Variants in C2orf76 observed in about 807,000 individuals in gnomAD.
C2orf76 encodes the protein UPF0538 protein C2orf76.
C2orf76 carries 23 observed loss-of-function variants against 16.9 expected under a neutral mutation model. The ratio of observed to expected loss-of-function variants is 1.36; its 90% confidence interval spans 0.98 to 1.93. The LOEUF (loss-of-function observed/expected upper bound fraction) is 1.93, where lower values mean the gene tolerates loss of function less well. Ranked by LOEUF, C2orf76 falls within the 30% of genes most tolerant of loss-of-function variation. The probability of loss-of-function intolerance (pLI) is 0.00; values close to 1 mark genes in which losing one functional copy is unlikely to be tolerated. For synonymous variants in C2orf76, 48 were observed against 52.3 expected, an observed-to-expected ratio of 0.92 and a Z score of 0.35; for missense variants, 152 against 152.6, an observed-to-expected ratio of 1.00 and a Z score of 0.02.
At chr2:119,347,566 C>T (rs1293632626) in intron 1 of C2orf76, among the ~76,000 whole-genome samples, 3 of 151,798 alleles carry the variant, frequency 2.0e-5, no homozygotes, top group Non-Finnish European at 2.9e-5. Flanking sequence ...ATTATAGAAG[C>T]GTAGATTAAA....
At chr2:119,299,247 G>A (rs1678581373), downstream of C2orf76, among the ~76,000 whole-genome samples, 1 of 152,114 alleles carries the variant, frequency 6.6e-6, no homozygotes, top group South Asian at 2.1e-4. Flanking sequence ...TAATAGATTT[G>A]CTGAAACACT....
chr2:119,288,647 G>T, the C2orf76 span, among the ~76,000 whole-genome samples: 2 of 152,088 alleles, frequency 1.3e-5, no homozygotes, highest in African/African-American at 4.8e-5. Context: ...TGGATGGAAG[G>T]GTGGAATTGT....
At position 119,302,462 on chromosome 2, in the gene C2orf76, C is replaced by A. The variant is rs749447892; in HGVS notation, c.*10G>T. 3.4e-6 allele frequency: 4 copies of A among 1,168,108 alleles called. No individual in the cohort carries two copies. The South Asian group carries it at 4.5e-5, about 13-fold the overall frequency. The allele number at this position is 1,168,108 out of a possible 1,614,324, so 72.4% of individuals were successfully genotyped here. On this transcript the variant is annotated 3_prime_UTR_variant, in exon 6 of 6. Coordinates refer to ENST00000334816, the MANE Select transcript of C2orf76 (RefSeq NM_001322331.2). The stretch of plus-strand genomic sequence containing the variant: ...TACAGGTATGCAAAAAGGAAGCCCT[C>A]GAGATGTTTTCACCAGGATGAAATG...
At chr2:119,338,055 C>T (rs567652429) in intron 2 of C2orf76, among the ~76,000 whole-genome samples, 4 of 152,212 alleles carry the variant, frequency 2.6e-5, no homozygotes, top group East Asian at 1.9e-4. Context: ...TAAAAAAGTA[C>T]GGATTTGTTT....
chr2:119,356,479 G>A (rs1573688344), intron 1 of C2orf76, among the ~76,000 whole-genome samples: 1 of 151,180 alleles, frequency 6.6e-6, no homozygotes, highest in Non-Finnish European at 1.5e-5. Flanking sequence ...AGAGGAAAAT[G>A]TATAGCACTG....
At chr2:119,349,764 G>A (rs1268061213) in intron 1 of C2orf76, among the ~76,000 whole-genome samples, 1 of 151,984 alleles carries the variant, frequency 6.6e-6, no homozygotes. Context: ...CTGAGCCATG[G>A]GCCCCCTCTG....
At chr2:119,345,662 C>T (rs1195330272) in intron 1 of C2orf76, among the ~76,000 whole-genome samples, 3 of 152,142 alleles carry the variant, frequency 2.0e-5, no homozygotes, top group Admixed American at 6.5e-5. Context: ...AGAAGTCAAA[C>T]ATTTTACCCT....
intron 1 of C2orf76, among the ~76,000 whole-genome samples, chr2:119,345,398 G>A (rs895843367): frequency 6.6e-6 from 1 of 152,160 alleles, no homozygotes. Context: ...ATAAACAACT[G>A]GCAAGAACAT....
Position 119,359,591 on chromosome 2 carries a change from A to G in C2orf76, c.-13+7199T>C, listed in dbSNP as rs56805746. 3.2e-3 allele frequency among the ~76,000 whole-genome samples: 488 copies of G among 152,334 alleles called. 3 individuals are homozygous for G. Among genetic ancestry groups the G allele is most frequent in the African/African-American group, 0.011 (461 of 41,584 alleles). On this transcript the variant is annotated intron_variant, in intron 1 of 5. Transcript: ENST00000334816. ...GGACTTTGGAAGGACTCCAACCTTC[A>G]TGGATGACTTTGAGGAGTTCAAGAC...
chr2:119,327,614 C>CCT (rs367953756), intron 2 of C2orf76, among the ~76,000 whole-genome samples: 177 of 150,226 alleles, frequency 1.2e-3, no homozygotes, highest in African/African-American at 3.8e-3. Context: ...ATATCTTCTC[C>CCT]CTCTCTCTCT....
chr2:119,291,177 G>A, the C2orf76 span, among the ~76,000 whole-genome samples: 11 of 151,990 alleles, frequency 7.2e-5, no homozygotes, highest in African/African-American at 2.7e-4. Flanking sequence ...GTGTCATACC[G>A]AGGAGAAGCT....
chr2:119,340,227 G>A (rs1679982845), intron 1 of C2orf76: 1 of 356,030 alleles, frequency 2.8e-6, no homozygotes, highest in African/African-American at 2.0e-5. Context: ...AACTGACAGA[G>A]TACAGAAGAT....
At chr2:119,340,086 T>A in intron 1 of C2orf76, 115 bp from the exon 2 acceptor site, 1 of 1,184,454 alleles carries the variant, frequency 8.4e-7, no homozygotes, top group Admixed American at 2.3e-5. Flanking sequence ...CCATGCTGCA[T>A]GATCACTGAC....
chr2:119,356,269 G>T (rs1680567418), intron 1 of C2orf76, among the ~76,000 whole-genome samples: 1 of 152,002 alleles, frequency 6.6e-6, no homozygotes, highest in Non-Finnish European at 1.5e-5. Context: ...TGGGCTTGAT[G>T]GCAGGCACTG....
At chr2:119,333,192 C>T (rs1349284268) in intron 2 of C2orf76, among the ~76,000 whole-genome samples, 1 of 152,166 alleles carries the variant, frequency 6.6e-6, no homozygotes, top group East Asian at 1.9e-4. Context: ...TGTGCTGCAG[C>T]CACATTATTG....
the C2orf76 span, among the ~76,000 whole-genome samples, chr2:119,286,224 CA>C: frequency 0.27 from 16,422 of 60,102 alleles, 1,031 homozygotes; most frequent in African/African-American, 0.38. Context: ...GACTCCATCT[CA>C]AAAAAAAAAA....
chr2:119,359,075 G>A (rs546719405), intron 1 of C2orf76, among the ~76,000 whole-genome samples: 6 of 152,256 alleles, frequency 3.9e-5, no homozygotes, highest in African/African-American at 1.2e-4. Context: ...TGAAGCCAAC[G>A]CTCACTGATC....
chr2:119,351,549 G>C (rs959767739), intron 1 of C2orf76, among the ~76,000 whole-genome samples: 1 of 152,102 alleles, frequency 6.6e-6, no homozygotes, highest in African/African-American at 2.4e-5. Flanking sequence ...CCAGGAGTTT[G>C]AGATCAGCCT....
At chr2:119,316,063 C>T (rs1256708130) in intron 4 of C2orf76, among the ~76,000 whole-genome samples, 1 of 152,162 alleles carries the variant, frequency 6.6e-6, no homozygotes, top group African/African-American at 2.4e-5. Flanking sequence ...GCTTTACAAC[C>T]TTTTTGAAGA....
Sources: allele counts gnomAD v4.1 joint callset (sites outside exome capture counted in the v4.1 genomes callset), GRCh38; gene constraint gnomAD v4.1.1; transcripts MANE v1.5; gene names NCBI Gene and HGNC (gene_info 2026-07-23, HGNC 2026-07-21).